MIPOL1: variants seen among roughly 807,000 people sequenced by gnomAD.
The protein encoded by MIPOL1 is mirror-image polydactyly 1, also known as mirror-image polydactyly gene 1 protein.
A neutral mutation model predicts 60.9 loss-of-function variants in MIPOL1; 57 were observed. That is an observed-to-expected ratio of 0.94 (90% CI 0.76 to 1.17). The LOEUF (loss-of-function observed/expected upper bound fraction) is 1.17. Among genes scored for constraint, MIPOL1 ranks in the 50% most tolerant of loss-of-function variants. MIPOL1 has a pLI of 0.00. For synonymous variants in MIPOL1, 179 were observed against 168.8 expected, an observed-to-expected ratio of 1.06 and a Z score of -0.47; for missense variants, 551 against 511.6, an observed-to-expected ratio of 1.08 and a Z score of -0.74.
intron 10 of MIPOL1, among the ~76,000 whole-genome samples, chr14:37,394,088 C>T (rs1484112903): frequency 4.1e-5 from 2 of 49,348 alleles, no homozygotes; most frequent in Non-Finnish European, 9.7e-5. Flanking sequence ...ATATATATCT[C>T]CATGTTCTAT....
chr14:37,336,673 T>C (rs1480951085), intron 9 of MIPOL1, among the ~76,000 whole-genome samples: 1 of 151,946 alleles, frequency 6.6e-6, no homozygotes, highest in East Asian at 1.9e-4. Flanking sequence ...CATTTCTGAG[T>C]CTGGCTCTGA....
intron 1 of MIPOL1, among the ~76,000 whole-genome samples, chr14:37,238,266 T>C (rs1456262058): frequency 6.6e-6 from 1 of 152,208 alleles, no homozygotes; most frequent in Non-Finnish European, 1.5e-5. Flanking sequence ...AGAATCACAA[T>C]GCCTATGTAT....
chr14:37,518,998 G>C (rs1009255787), intron 12 of MIPOL1, among the ~76,000 whole-genome samples: 2 of 152,000 alleles, frequency 1.3e-5, no homozygotes, highest in Admixed American at 6.6e-5. Context: ...AAGAGATGAA[G>C]GATAAAGCGG....
At position 37,312,688 on chromosome 14, in the gene MIPOL1, A is replaced by C. The variant is rs111668896; in HGVS notation, c.828+4169A>C. ...GTTTTTTCATTTCTCTTCTATCTCAAACTGAGAGCCAAAAGCCTTAAAGTC... is the reference window on the plus strand; with the variant it reads ...GTTTTTTCATTTCTCTTCTATCTCACACTGAGAGCCAAAAGCCTTAAAGTC... On this transcript the variant is annotated intron_variant, in intron 9 of 12. Coordinates refer to ENST00000684589, the MANE Select transcript of MIPOL1 (RefSeq NM_001388067.1). 1.7e-3 allele frequency among the ~76,000 whole-genome samples: 259 copies of C among 152,196 alleles called. 1 individual carries two copies. The highest frequency in any genetic ancestry group is 5.9e-3 in the African/African-American group (244 of 41,536).
intron 10 of MIPOL1, among the ~76,000 whole-genome samples, chr14:37,376,110 C>T (rs1405243550): frequency 6.6e-6 from 1 of 152,150 alleles, no homozygotes; most frequent in Non-Finnish European, 1.5e-5. Context: ...GTCCCACAGA[C>T]ATACAACCTC....
intron 11 of MIPOL1, among the ~76,000 whole-genome samples, chr14:37,441,756 T>C (rs995321925): frequency 2.6e-5 from 4 of 152,174 alleles, no homozygotes; most frequent in African/African-American, 2.4e-5. Context: ...ATACTCTCTT[T>C]TGGTTTCATA....
chr14:37,318,812 T>TTAGTTAG (rs1202716144), intron 9 of MIPOL1, among the ~76,000 whole-genome samples: 282 of 140,716 alleles, frequency 2.0e-3, no homozygotes, highest in East Asian at 4.1e-3. Context: ...TATTTATTTA[T>TTAGTTAG]TTATTTATTT....
intron 7 of MIPOL1, among the ~76,000 whole-genome samples, chr14:37,300,855 C>T (rs187972274): frequency 0.046 from 713 of 15,606 alleles, 328 homozygotes; most frequent in Middle Eastern, 0.071. Flanking sequence ...GCAGAATGCT[C>T]CAGGGTCACC....
intron 10 of MIPOL1, 117 bp downstream of exon 10, chr14:37,369,741 A>G: frequency 1.6e-6 from 1 of 614,554 alleles, no homozygotes; most frequent in Non-Finnish European, 2.8e-6. Flanking sequence ...GGTGTTTGCC[A>G]ACAACCCCTT....
chr14:37,251,920 A>G (rs987058879), intron 3 of MIPOL1, among the ~76,000 whole-genome samples: 1 of 151,916 alleles, frequency 6.6e-6, no homozygotes, highest in African/African-American at 2.4e-5. Flanking sequence ...TAAATTTAGA[A>G]AATTGTGAAA....
chr14:37,421,948 G>A (rs774777059), intron 10 of MIPOL1, among the ~76,000 whole-genome samples: 2 of 151,842 alleles, frequency 1.3e-5, no homozygotes, highest in Non-Finnish European at 2.9e-5. Context: ...TACTTTGTGA[G>A]GTTTGTGACA....
chr14:37,415,809 AT>A (rs2093758502), intron 10 of MIPOL1, among the ~76,000 whole-genome samples: 2 of 152,160 alleles, frequency 1.3e-5, no homozygotes, highest in Non-Finnish European at 2.9e-5. Flanking sequence ...ACATAATAGA[AT>A]AGTAATAGTA....
At chr14:37,393,476 A>G (rs528512814) in intron 10 of MIPOL1, among the ~76,000 whole-genome samples, 2 of 151,266 alleles carry the variant, frequency 1.3e-5, no homozygotes, top group East Asian at 3.9e-4. Flanking sequence ...CTATATGAAT[A>G]CTTGTTGCAA....
chr14:37,351,804 T>A (rs1362055820), intron 9 of MIPOL1, among the ~76,000 whole-genome samples: 10 of 140,140 alleles, frequency 7.1e-5, no homozygotes, highest in Non-Finnish European at 1.4e-4. Context: ...AGATTGTGGA[T>A]ATTAGCCCTT....
intron 10 of MIPOL1, among the ~76,000 whole-genome samples, chr14:37,398,110 G>A (rs2093411989): frequency 6.6e-6 from 1 of 152,078 alleles, no homozygotes; most frequent in Admixed American, 6.5e-5. Context: ...GGCAGGAATG[G>A]CCTGCTTGGG....
intron 12 of MIPOL1, among the ~76,000 whole-genome samples, chr14:37,500,574 A>T (rs949512995): frequency 6.6e-6 from 1 of 152,178 alleles, no homozygotes; most frequent in Non-Finnish European, 1.5e-5. Context: ...GGGTGAAATT[A>T]ATTTTCTTGT....
intron 9 of MIPOL1, among the ~76,000 whole-genome samples, chr14:37,353,885 GT>G: frequency 6.6e-6 from 1 of 152,034 alleles, no homozygotes; most frequent in East Asian, 1.9e-4. Context: ...TTTTTGAATG[GT>G]TTTTTGTGTC....
intron 12 of MIPOL1, among the ~76,000 whole-genome samples, chr14:37,545,251 T>C (rs1183015084): frequency 6.6e-6 from 1 of 152,216 alleles, no homozygotes; most frequent in Non-Finnish European, 1.5e-5. Flanking sequence ...AACAATAAAC[T>C]TAAAATTTCA....
chr14:37,466,430 G>A (rs1273198713), intron 11 of MIPOL1, among the ~76,000 whole-genome samples: 1 of 152,150 alleles, frequency 6.6e-6, no homozygotes, highest in Non-Finnish European at 1.5e-5. Flanking sequence ...TGGAAGGCAA[G>A]ATAAAGTTGC....
Sources: gnomAD v4.1 joint callset for allele counts (sites outside exome capture counted in the v4.1 genomes callset) on GRCh38, gnomAD v4.1.1 for gene constraint, MANE v1.5 for transcripts, NCBI Gene and HGNC (gene_info 2026-07-23, HGNC 2026-07-21) for gene names.